Variants in GATAD2A observed in about 807,000 individuals in gnomAD.
The protein encoded by GATAD2A is GATA zinc finger domain containing 2A.
GATAD2A carries 12 observed loss-of-function variants against 68.5 expected under a neutral mutation model. The observed-to-expected ratio is 0.18, with a 90% CI of 0.11 to 0.28. The LOEUF is 0.28. GATAD2A is among the 10% of genes least tolerant of loss of function. The pLI is 1.00. For synonymous variants in GATAD2A, 410 were observed against 375.3 expected (o/e 1.09, Z -1.07); for missense variants, 755 against 868.5 (o/e 0.87, Z 1.64).
rs372910680 is a variant in GATAD2A at position 19,465,504 on chromosome 19, A to T, written c.159A>T (p.Gly53=). The T allele has an allele frequency of 1.7e-5, 28 of 1,613,914 alleles. No homozygotes were observed. Among genetic ancestry groups the T allele is most frequent in the Non-Finnish European group, 2.4e-5 (28 of 1,179,866 alleles). ...ACATGAGGGTGACACCTGAGCCGGG[A>T]GCAGGTCCAACCCAAGGATTGCTGA... ...DGDMRVTPEP[G]AGPTQGLLRA... is the part of the protein sequence containing the mutation. Residue 53 remains glycine, a synonymous_variant, in exon 2 of 12, where the codon GGA becomes GGT. Coordinates refer to ENST00000683918, the MANE Select transcript of GATAD2A (RefSeq NM_001384528.1).
chr19:19,405,587 GC>G (rs2050121366), upstream of GATAD2A, among the ~76,000 whole-genome samples: 1 of 151,850 alleles, frequency 6.6e-6, no homozygotes, highest in Admixed American at 6.5e-5. Context: ...GTCCGGCCCC[GC>G]CCCCTCAACT....
At position 19,465,247 on chromosome 19, in the gene GATAD2A, G is replaced by A. The variant is rs1568310264; in HGVS notation, c.-6-93G>A. ...TCTTTTGCCATCCTTCCCATAGGGA[G>A]GAAAACACTGAAAGCAACACTGAAA... On this transcript the variant is annotated intron_variant, in intron 1 of 11. Transcript: ENST00000683918. The A allele has an allele frequency of 4.2e-6, 4 of 950,634 alleles. No homozygotes were observed. The East Asian group carries it at 7.2e-5, about 17-fold the overall frequency. 58.9% of individuals were successfully genotyped at this position (950,634 alleles called of 1,614,324 possible).
At chr19:19,463,521 T>G (rs2057629057) in intron 1 of GATAD2A, among the ~76,000 whole-genome samples, 2 of 147,062 alleles carry the variant, frequency 1.4e-5, no homozygotes, top group African/African-American at 2.5e-5. Flanking sequence ...GGGGCGGGGG[T>G]GGACAGGGTG....
intron 1 of GATAD2A, among the ~76,000 whole-genome samples, chr19:19,441,528 A>C (rs905425746): frequency 6.6e-6 from 1 of 151,788 alleles, no homozygotes; most frequent in Admixed American, 6.6e-5. Flanking sequence ...ATGCACCACC[A>C]TGTCCAGCAA....
At chr19:19,431,649 G>A (rs889955189) in intron 1 of GATAD2A, among the ~76,000 whole-genome samples, 7 of 146,376 alleles carry the variant, frequency 4.8e-5, no homozygotes, top group Admixed American at 2.1e-4. Context: ...AGCCGAGATC[G>A]CACCACTGCA....
intron 2 of GATAD2A, among the ~76,000 whole-genome samples, chr19:19,482,277 G>T (rs539916283): frequency 2.6e-5 from 4 of 152,144 alleles, no homozygotes; most frequent in African/African-American, 9.7e-5. Flanking sequence ...GGTAGTGGGC[G>T]CCTGTAGTCC....
chr19:19,432,436 G>A (rs1229844879), intron 1 of GATAD2A, among the ~76,000 whole-genome samples: 1 of 152,122 alleles, frequency 6.6e-6, no homozygotes, highest in Non-Finnish European at 1.5e-5. Flanking sequence ...CAAGTGGCTG[G>A]GATTACAGGC....
At chr19:19,474,332 C>T (rs2058522403) in intron 2 of GATAD2A, among the ~76,000 whole-genome samples, 1 of 152,094 alleles carries the variant, frequency 6.6e-6, no homozygotes, top group South Asian at 2.1e-4. Context: ...GAGTCAAACC[C>T]TGAATTTAGG....
chr19:19,501,269 G>A lies in GATAD2A; in HGVS notation c.1356G>A (p.Lys452=), dbSNP rs1462270297. The A allele has an allele frequency of 2.5e-6, 4 of 1,613,282 alleles. No homozygotes were observed. Among genetic ancestry groups the A allele is most frequent in the African/African-American group, 1.3e-5 (1 of 74,952 alleles). ...CMTTNQKKAL[K]VEHTSRLKAA... Reference sequence around the variant, plus strand: ...CAACCAACCAGAAGAAGGCGCTCAAGGTGGAGCACACCAGCCGGCTGAAGG... The same window carrying A: ...CAACCAACCAGAAGAAGGCGCTCAAAGTGGAGCACACCAGCCGGCTGAAGG... The change falls in exon 9 of 12, where the codon AAG becomes AAA. Residue 452 remains lysine (K), a synonymous_variant. Coordinates refer to ENST00000683918, the MANE Select transcript of GATAD2A (RefSeq NM_001384528.1).
At chr19:19,448,366 G>A (rs943983654) in intron 1 of GATAD2A, among the ~76,000 whole-genome samples, 2 of 152,246 alleles carry the variant, frequency 1.3e-5, no homozygotes, top group African/African-American at 4.8e-5. Flanking sequence ...GCAGGTGTGG[G>A]GCCACTTCAA....
upstream of GATAD2A, among the ~76,000 whole-genome samples, chr19:19,401,583 C>G (rs1331540665): frequency 6.6e-6 from 1 of 151,992 alleles, no homozygotes; most frequent in African/African-American, 2.4e-5. Flanking sequence ...TGGCACCAGC[C>G]TGTCAGCTTC....
chr19:19,397,605 T>C (rs1366562473), intron 1 of GATAD2A, among the ~76,000 whole-genome samples: 1 of 152,220 alleles, frequency 6.6e-6, no homozygotes, highest in Non-Finnish European at 1.5e-5. Context: ...TCTGTAATGG[T>C]ATACTGTATA....
At chr19:19,404,885 C>T (rs1177376598), upstream of GATAD2A, among the ~76,000 whole-genome samples, 2 of 152,096 alleles carry the variant, frequency 1.3e-5, no homozygotes, top group Admixed American at 6.6e-5. Context: ...TCCTCAGAAC[C>T]TGATTTTGGT....
intron 1 of GATAD2A, among the ~76,000 whole-genome samples, chr19:19,417,119 A>G (rs958550489): frequency 6.6e-6 from 1 of 152,228 alleles, no homozygotes; most frequent in African/African-American, 2.4e-5. Context: ...CTGCTTCGGC[A>G]GATACCCTGT....
intron 2 of GATAD2A, among the ~76,000 whole-genome samples, chr19:19,490,038 A>T (rs1289538131): frequency 6.6e-6 from 1 of 152,106 alleles, no homozygotes; most frequent in Non-Finnish European, 1.5e-5. Flanking sequence ...GTTTGCTAAG[A>T]CCTGAGTGAG....
At chr19:19,410,105 C>T (rs548510547) in intron 1 of GATAD2A, among the ~76,000 whole-genome samples, 2 of 152,252 alleles carry the variant, frequency 1.3e-5, no homozygotes, top group African/African-American at 4.8e-5. Flanking sequence ...GTACGCTGTA[C>T]CCCCTTTGTC....
chr19:19,439,167 C>T (rs1196848610), intron 1 of GATAD2A, among the ~76,000 whole-genome samples: 1 of 152,264 alleles, frequency 6.6e-6, no homozygotes, highest in Non-Finnish European at 1.5e-5. Flanking sequence ...ACAACTCCCA[C>T]TTGTGTGTAC....
intron 1 of GATAD2A, among the ~76,000 whole-genome samples, chr19:19,424,586 T>C (rs535482312): frequency 1.7e-4 from 26 of 152,000 alleles, no homozygotes; most frequent in African/African-American, 6.0e-4. Flanking sequence ...TTGCTCAGGC[T>C]GGTCTCGAAC....
intron 2 of GATAD2A, among the ~76,000 whole-genome samples, chr19:19,482,111 AAAAT>A (rs2059102115): frequency 6.6e-6 from 1 of 151,860 alleles, no homozygotes; most frequent in Non-Finnish European, 1.5e-5. Flanking sequence ...TGTCTCAAAA[AAAAT>A]AAAATATGAC....
Sources: gnomAD v4.1 joint callset for allele counts (sites outside exome capture counted in the v4.1 genomes callset) on GRCh38, gnomAD v4.1.1 for gene constraint, MANE v1.5 for transcripts, NCBI Gene and HGNC (gene_info 2026-07-23, HGNC 2026-07-21) for gene names.